IRF3: variants seen among roughly 807,000 people sequenced by gnomAD.
The protein encoded by IRF3 is interferon regulatory factor 3.
IRF3 carries 29 observed loss-of-function variants against 43.2 expected under a neutral mutation model. The observed-to-expected ratio is 0.67, with a 90% confidence interval of 0.50 to 0.91. IRF3 has a LOEUF of 0.91. IRF3 is among the 40% of genes least tolerant of loss of function. The pLI, the probability that IRF3 is intolerant of heterozygous loss-of-function variation, is 0.00. For missense variants in IRF3, 505 were observed against 559.1 expected, an observed-to-expected ratio of 0.90 and a Z score of 0.98; for synonymous variants, 228 against 233.9, an observed-to-expected ratio of 0.97 and a Z score of 0.23.
In IRF3 at chr19:49,661,061, A is replaced by C; in HGVS notation, c.983-233T>G. The C allele has an allele frequency of 9.3e-6, 5 of 536,020 alleles. No homozygotes were observed. In the South Asian group the frequency reaches 1.1e-4, roughly 12 times the overall value. The allele number at this position is 536,020 out of a possible 1,614,324, so 33.2% of individuals were successfully genotyped here. A position where few individuals can be genotyped will look rare whatever the true frequency, so the allele number is the denominator to read the frequency against. ...GCCCCCAAGCCTCAGCATTCATAAC[A>C]GGCCCAGAGTAGGGGGCCCATGCTC... On this transcript the variant is annotated intron_variant, in intron 6 of 7. Coordinates refer to ENST00000377139, the MANE Select transcript of IRF3 (RefSeq NM_001571.6).
At chr19:49,661,874 C>G in intron 6 of IRF3, 74 bp downstream of exon 6, 1 of 1,515,520 alleles carries the variant, frequency 6.6e-7, no homozygotes, top group South Asian at 1.3e-5. Context: ...CCACCGTGCC[C>G]GGCCAATCCT....
At position 49,665,812 on chromosome 19, in the gene IRF3, A is replaced by G. The variant is rs773766202; in HGVS notation, c.-190T>C. ...AACTTTATCATTCTTTGGGTAACAG[A>G]CCCAAAAGCCGATGGGACGGCCCGC... On this transcript the variant is annotated 5_prime_UTR_variant, in exon 1 of 8. Transcript: ENST00000377139. 5.7e-6 allele frequency: 9 copies of G among 1,579,716 alleles called. No individual in the cohort carries two copies. Among genetic ancestry groups the G allele is most frequent in the Non-Finnish European group, 6.9e-6 (8 of 1,156,128 alleles).
chr19:49,665,018 G>T (rs1445229409), intron 1 of IRF3, 172 bp from the exon 2 acceptor site: 3 of 682,418 alleles, frequency 4.4e-6, no homozygotes, highest in Non-Finnish European at 7.2e-6. Flanking sequence ...CTCCCGAGAG[G>T]CTCTCTAATC....
Position 49,665,823 on chromosome 19 carries a change from G to T in IRF3, c.-201C>A, listed in dbSNP as rs2122764952. On this transcript the variant is annotated 5_prime_UTR_variant, in exon 1 of 8. Coordinates refer to ENST00000377139, the MANE Select transcript of IRF3 (RefSeq NM_001571.6). ...TCTTTGGGTAACAGACCCAAAAGCC[G>T]ATGGGACGGCCCGCTGGGCTGTTCC... The T allele has an allele frequency of 3.1e-6, 5 of 1,587,608 alleles. No homozygotes were observed. Among genetic ancestry groups the T allele is most frequent in the South Asian group, 1.1e-5 (1 of 90,414 alleles).
chr19:49,663,419 T>C lies in IRF3; in HGVS notation c.261A>G (p.Lys87=), dbSNP rs1045334839. The change falls in exon 3 of 8, where the codon AAA becomes AAG. Residue 87 remains lysine (K), a synonymous_variant. Coordinates refer to ENST00000377139, the MANE Select transcript of IRF3 (RefSeq NM_001571.6). Reference sequence around the variant, plus strand: ...GGTCCTCTGCTAAACGCAACCCTTCTTTGCGGTTGAGGGCAGAGCGGAAAT... The same window carrying C: ...GGTCCTCTGCTAAACGCAACCCTTCCTTGCGGTTGAGGGCAGAGCGGAAAT... ...KRNFRSALNR[K]EGLRLAEDRS... is the part of the protein sequence containing the mutation. 1.2e-6 allele frequency: 2 copies of C among 1,614,200 alleles called. No homozygotes were observed. Among genetic ancestry groups the C allele is most frequent in the African/African-American group, 2.7e-5 (2 of 75,046 alleles).
intron 7 of IRF3, among the ~76,000 whole-genome samples, 194 bp from the exon 8 acceptor site, chr19:49,660,027 A>ACACACACACACACACAC (rs57168131): frequency 2.4e-4 from 18 of 74,750 alleles, no homozygotes; most frequent in African/African-American, 1.5e-3. Flanking sequence ...ACACACACAC[A>ACACACACACACACACAC]CCCCCTGCTG....
chr19:49,662,635 AAG>A lies in IRF3; in HGVS notation c.409-20_409-19del, dbSNP rs1471976633. The stretch of plus-strand genomic sequence containing the variant: ...ATGTCTTCCTGGAGGGAAACAAAAA[AAG>A]AGAATCAGGCATTTCCATATCCTTT... On this transcript the variant is annotated intron_variant, in intron 4 of 7. Coordinates refer to ENST00000377139, the MANE Select transcript of IRF3 (RefSeq NM_001571.6). 1.3e-6 allele frequency: 2 copies of A among 1,524,344 alleles called. No homozygotes were observed. Among genetic ancestry groups the A allele is most frequent in the South Asian group, 1.2e-5 (1 of 80,540 alleles). The allele number at this position is 1,524,344 out of a possible 1,614,324, so 94.4% of individuals were successfully genotyped here.
intron 1 of IRF3, chr19:49,665,194 T>C (rs999094578): frequency 3.9e-6 from 1 of 257,968 alleles, no homozygotes. Flanking sequence ...GTTATTTCAG[T>C]GCAGAATCGA....
chr19:49,664,584 C>T, intron 2 of IRF3, 90 bp downstream of exon 2: 2 of 1,610,562 alleles, frequency 1.2e-6, no homozygotes, highest in Non-Finnish European at 1.7e-6. Context: ...CCTCGCGCGC[C>T]ACCTCCGCCT....
chr19:49,663,329 C>A lies in IRF3; in HGVS notation c.337+14G>T, dbSNP rs141776913. On this transcript the variant is annotated intron_variant, in intron 3 of 7. Transcript: ENST00000377139. ...GGGGCCCCAGCCTCCCACACGAACC[C>A]CAAGCTGGCAGACCTGAGTTCACAA... The A allele has an allele frequency of 1.1e-4, 179 of 1,614,174 alleles. No individual in the cohort carries two copies. In the African/African-American group the frequency reaches 2.2e-3, roughly 20 times the overall value.
intron 2 of IRF3, 147 bp downstream of exon 2, chr19:49,664,498 ACCATCAGTCAGCGGATCCGGCTAGCCCCG>A (rs1240029122): frequency 8.3e-6 from 13 of 1,560,468 alleles, no homozygotes; most frequent in Non-Finnish European, 9.5e-6. Flanking sequence ...CTTGCGCCCC[ACCATCAGTCAGCGGATCCGGCTAGCCCCG>A]CCCCTCCCGT....
rs1012031343 is a variant in IRF3 at position 49,662,581 on chromosome 19, A to G, written c.445T>C (p.Leu149=). 6.5e-7 allele frequency: 1 copy of G among 1,527,868 alleles called. No individual in the cohort carries two copies. The highest frequency in any genetic ancestry group is 8.8e-7 in the Non-Finnish European group (1 of 1,141,716). The allele number at this position is 1,527,868 out of a possible 1,614,324, so 94.6% of individuals were successfully genotyped here. ...GGTCCCGGATCTGGGAGTGGGGCCA[A>G]CACCATGTTACCCAGTAACTCATCC... ...ILDELLGNMV[L]APLPDPGPPS... Residue 149 remains leucine, a synonymous_variant, in exon 5 of 8, where the codon TTG becomes CTG. Coordinates refer to ENST00000377139, the MANE Select transcript of IRF3 (RefSeq NM_001571.6).
At chr19:49,663,162 G>T in intron 4 of IRF3, 26 bp downstream of exon 4, 1 of 1,591,984 alleles carries the variant, frequency 6.3e-7, no homozygotes, top group Non-Finnish European at 8.6e-7. Flanking sequence ...GAGACTGAGG[G>T]GCATGAAAGT....
intron 1 of IRF3, chr19:49,665,096 C>G (rs539432376): frequency 1.1e-4 from 54 of 478,444 alleles, no homozygotes; most frequent in African/African-American, 9.4e-4. Context: ...CCCTCCACTC[C>G]CTCAATTCCG....
chr19:49,661,823 C>T (rs749475516), intron 6 of IRF3, 125 bp downstream of exon 6: 23 of 1,155,132 alleles, frequency 2.0e-5, no homozygotes, highest in Non-Finnish European at 2.8e-5. Flanking sequence ...TTGTCATCTG[C>T]CCACCTCAGC....
chr19:49,663,176 G>T lies in IRF3; in HGVS notation c.408+12C>A. The T allele has an allele frequency of 6.2e-7, 1 of 1,611,276 alleles. No individual in the cohort carries two copies. Among genetic ancestry groups the T allele is most frequent in the Non-Finnish European group, 8.5e-7 (1 of 1,177,468 alleles). On this transcript the variant is annotated intron_variant, in intron 4 of 7. Coordinates refer to ENST00000377139, the MANE Select transcript of IRF3 (RefSeq NM_001571.6). ...GGAGACTGAGGGGCATGAAAGTTGG[G>T]CACATTCTCACCTGGGTATCAGAAG...
Position 49,662,414 on chromosome 19 carries a change from C to T in IRF3, c.601+11G>A, listed in dbSNP as rs764177091. 1 of 1,592,808 alleles carries T rather than the reference C, an allele frequency of 6.3e-7. No homozygotes were observed. Among genetic ancestry groups the T allele is most frequent in the Non-Finnish European group, 8.6e-7 (1 of 1,169,220 alleles). On this transcript the variant is annotated intron_variant, in intron 5 of 7. Coordinates refer to ENST00000377139, the MANE Select transcript of IRF3 (RefSeq NM_001571.6). ...AGACCTCAGCCCTCCCAGCCTGCAG[C>T]TGACACTCACCTTCCCCCGGCACCA...
rs940962592 is a variant in IRF3 at position 49,665,672 on chromosome 19, C to T, written c.-50G>A. The T allele has an allele frequency of 3.7e-6, 4 of 1,073,028 alleles. No homozygotes were observed. The highest frequency in any genetic ancestry group is 3.2e-5 in the African/African-American group (2 of 63,218). 66.5% of individuals were successfully genotyped at this position (1,073,028 alleles called of 1,614,324 possible). A position where few individuals can be genotyped will look rare whatever the true frequency, so the allele number is the denominator to read the frequency against. On this transcript the variant is annotated 5_prime_UTR_variant, in exon 1 of 8. Transcript: ENST00000377139. ...GGGCGTGCGGGCAGCTGGAACCCACCCCTGTCTTGGAGCTCCGGGTAGCTC... is the reference window on the plus strand; with the variant it reads ...GGGCGTGCGGGCAGCTGGAACCCACTCCTGTCTTGGAGCTCCGGGTAGCTC...
At chr19:49,659,983 T>TTA (rs2081210069) in intron 7 of IRF3, 150 bp from the exon 8 acceptor site, 3 of 392,360 alleles carry the variant, frequency 7.6e-6, no homozygotes, top group Non-Finnish European at 1.2e-5. Flanking sequence ...AGTTGTAGTT[T>TTA]TACACACACA....
Sources: gnomAD v4.1 joint callset for allele counts (sites outside exome capture counted in the v4.1 genomes callset) on GRCh38, gnomAD v4.1.1 for gene constraint, MANE v1.5 for transcripts, NCBI Gene and HGNC (gene_info 2026-07-23, HGNC 2026-07-21) for gene names.